Variants in ACAA2 observed in about 807,000 individuals in gnomAD.
ACAA2 encodes 3-ketoacyl-CoA thiolase, mitochondrial.
Under a neutral mutation model 44.8 loss-of-function variants are expected in ACAA2, and 35 were observed. The ratio of observed to expected loss-of-function variants is 0.78; its 90% CI spans 0.60 to 1.04. ACAA2 has a LOEUF of 1.04. Among genes scored for constraint, ACAA2 ranks in the 50% least tolerant of loss-of-function variants. The probability of loss-of-function intolerance (pLI) is 0.00; values close to 1 mark genes in which losing one functional copy is unlikely to be tolerated. For missense variants in ACAA2, 468 were observed against 482.6 expected, an observed-to-expected ratio of 0.97 and a Z score of 0.28; for synonymous variants, 142 against 166.5, an observed-to-expected ratio of 0.85 and a Z score of 1.13.
In ACAA2 at chr18:49,782,649, C is replaced by A. The variant is rs987532750; in HGVS notation, c.*1198G>T. 1.3e-5 allele frequency: 2 copies of A among 151,286 alleles called. No homozygotes were observed. The highest frequency in any genetic ancestry group is 4.9e-5 in the African/African-American group (2 of 41,132). 9.4% of individuals were successfully genotyped at this position (151,286 alleles called of 1,614,324 possible). A position where few individuals can be genotyped will look rare whatever the true frequency, so the allele number is the denominator to read the frequency against. On this transcript the variant is annotated 3_prime_UTR_variant, in exon 10 of 10. Coordinates refer to ENST00000285093, the MANE Select transcript of ACAA2 (RefSeq NM_006111.3). ...GGATCACGAGGTCAGGAGATCGAGA[C>A]CATCCTGGCTAACACGGTGAAACCC...
At chr18:49,797,441 G>T (rs2023477816) in intron 3 of ACAA2, 25 bp downstream of exon 3, 5 of 1,587,292 alleles carry the variant, frequency 3.2e-6, no homozygotes, top group Admixed American at 1.8e-5. Flanking sequence ...TATTTTCAGA[G>T]AATTTAAAAA....
chr18:49,799,577 C>T (rs2023508162), intron 2 of ACAA2, among the ~76,000 whole-genome samples: 1 of 152,124 alleles, frequency 6.6e-6, no homozygotes, highest in African/African-American at 2.4e-5. Flanking sequence ...ACCTCCACCT[C>T]CCAGCCGCCT....
chr18:49,799,372 G>T (rs912331397), intron 2 of ACAA2, among the ~76,000 whole-genome samples: 1 of 151,486 alleles, frequency 6.6e-6, no homozygotes, highest in East Asian at 1.9e-4. Context: ...GCGCCGCCAC[G>T]CCTGACTGGT....
Position 49,802,703 on chromosome 18 carries a change from A to G in ACAA2, c.167T>C (p.Met56Thr), listed in dbSNP as rs370304825. Residue 56 changes from methionine (M) to threonine (T), a missense_variant, in exon 2 of 10, where the codon ATG (methionine) becomes ACG (threonine). Transcript: ENST00000285093. ...VSPETVDSVI[M>T]GNVLQSSSDA... The stretch of plus-strand genomic sequence containing the variant: ...TCTACTAACCTGCAGGACATTGCCC[A>G]TAATCACACTGTCAACTGTTTCAGG... 7.4e-6 allele frequency: 12 copies of G among 1,614,104 alleles called. No homozygotes were observed. Among genetic ancestry groups the G allele is most frequent in the Non-Finnish European group, 1.0e-5 (12 of 1,179,996 alleles).
intron 1 of ACAA2, among the ~76,000 whole-genome samples, chr18:49,810,244 C>T (rs550637961): frequency 5.9e-5 from 9 of 152,154 alleles, no homozygotes; most frequent in Non-Finnish European, 1.2e-4. Context: ...AAACACCACA[C>T]GTAACACTCC....
chr18:49,804,759 A>T (rs768362563), intron 1 of ACAA2, among the ~76,000 whole-genome samples: 1 of 152,218 alleles, frequency 6.6e-6, no homozygotes, highest in African/African-American at 2.4e-5. Flanking sequence ...GTGTCCTTGT[A>T]CAAATAAATA....
chr18:49,786,440 TTAAAC>T (rs1284656914), intron 8 of ACAA2: 2 of 152,094 alleles, frequency 1.3e-5, no homozygotes, highest in African/African-American at 4.8e-5. Context: ...ATATAATAAA[TTAAAC>T]AGCCTCTTTG....
intron 8 of ACAA2, 83 bp from the exon 9 acceptor site, chr18:49,785,434 G>A: frequency 1.5e-6 from 2 of 1,328,328 alleles, no homozygotes; most frequent in African/African-American, 3.0e-5. Context: ...CCTATCAACA[G>A]CTAAGTCTGC....
rs1345890735 is a variant in ACAA2, at chr18:49,783,944, G to C, written c.1110-13C>G. 1 of 1,611,260 alleles carries C rather than the reference G, an allele frequency of 6.2e-7. No individual in the cohort carries two copies. The highest frequency in any genetic ancestry group is 1.3e-5 in the African/African-American group (1 of 74,830). ...TCCACCTCGACGCCTGAAAAAGAAA[G>C]CAGTGACTGAAATCTACTCTAATAA... is the stretch of plus-strand genomic sequence containing the variant. On this transcript the variant is annotated splice_polypyrimidine_tract_variant and intron_variant, in intron 9 of 9. Coordinates refer to ENST00000285093, the MANE Select transcript of ACAA2 (RefSeq NM_006111.3).
chr18:49,790,339 A>T (rs1293056217), intron 7 of ACAA2, among the ~76,000 whole-genome samples: 1 of 152,198 alleles, frequency 6.6e-6, no homozygotes, highest in Middle Eastern at 3.2e-3. Context: ...TCTGAGGGAC[A>T]TGGCAGCAAA....
At chr18:49,808,808 G>A (rs989342798) in intron 1 of ACAA2, among the ~76,000 whole-genome samples, 9 of 152,286 alleles carry the variant, frequency 5.9e-5, no homozygotes, top group African/African-American at 1.9e-4. Flanking sequence ...CCTGATAAGG[G>A]CCTATGTTCA....
chr18:49,797,359 G>C (rs1401228481), intron 3 of ACAA2, 107 bp downstream of exon 3: 1 of 1,026,006 alleles, frequency 9.7e-7, no homozygotes, highest in Non-Finnish European at 1.4e-6. Context: ...TTGACCTCCA[G>C]GGCTCAAGCA....
chr18:49,784,256 GGAGT>G (rs2023301074), intron 9 of ACAA2, among the ~76,000 whole-genome samples: 2 of 152,194 alleles, frequency 1.3e-5, no homozygotes, highest in African/African-American at 2.4e-5. Context: ...TTACGGGAAA[GGAGT>G]GAGAAGAGGA....
At chr18:49,790,891 T>C (rs1194214615) in intron 7 of ACAA2, among the ~76,000 whole-genome samples, 1 of 152,218 alleles carries the variant, frequency 6.6e-6, no homozygotes, top group Non-Finnish European at 1.5e-5. Flanking sequence ...TGCGTTTAAC[T>C]CACAGTGAAG....
At chr18:49,803,979 C>G (rs113200569) in intron 1 of ACAA2, among the ~76,000 whole-genome samples, 2 of 146,110 alleles carry the variant, frequency 1.4e-5, no homozygotes, top group South Asian at 4.3e-4. Flanking sequence ...GGCGCGATTT[C>G]GGCTCACTGC....
chr18:49,794,310 C>A lies in ACAA2; in HGVS notation c.547G>T (p.Ala183Ser), dbSNP rs763693994. Residue 183 changes from alanine to serine, a missense_variant, in exon 5 of 10, where the codon GCC becomes TCC. Transcript: ENST00000285093. ...KISREECDKY[A>S]LQSQQRWKAA... ...TTCCATCTCTGCTGTGACTGCAGGG[C>A]ATATTTGTCACATTCTTCTCTGCTT... is the stretch of plus-strand genomic sequence containing the variant. 2 of 1,608,888 alleles carry A rather than the reference C, an allele frequency of 1.2e-6. No homozygotes were observed. Among genetic ancestry groups the A allele is most frequent in the African/African-American group, 1.3e-5 (1 of 74,862 alleles).
At chr18:49,794,166 T>C in intron 5 of ACAA2, 114 bp downstream of exon 5, 3 of 777,294 alleles carry the variant, frequency 3.9e-6, no homozygotes, top group Non-Finnish European at 5.4e-6. Flanking sequence ...TGAAAAGATG[T>C]AATAATTCTT....
At chr18:49,804,041 G>A (rs1003684182) in intron 1 of ACAA2, among the ~76,000 whole-genome samples, 1 of 151,756 alleles carries the variant, frequency 6.6e-6, no homozygotes, top group Non-Finnish European at 1.5e-5. Flanking sequence ...CTCCCGAGTA[G>A]CTGGGACTAC....
intron 2 of ACAA2, among the ~76,000 whole-genome samples, chr18:49,801,618 G>A (rs902964071): frequency 4.6e-5 from 7 of 151,828 alleles, no homozygotes; most frequent in African/African-American, 1.7e-4. Flanking sequence ...ATACACAACG[G>A]CAAGATGAAC....
Sources: allele counts gnomAD v4.1 joint callset (sites outside exome capture counted in the v4.1 genomes callset), GRCh38; gene constraint gnomAD v4.1.1; transcripts MANE v1.5; gene names NCBI Gene and HGNC (gene_info 2026-07-23, HGNC 2026-07-21).